EPRS1: variants seen among roughly 807,000 people sequenced by gnomAD.
EPRS1 encodes bifunctional glutamate/proline--tRNA ligase.
A neutral mutation model predicts 188.3 loss-of-function variants in EPRS1; 107 were observed. The observed-to-expected ratio is 0.57, with a 90% confidence interval of 0.49 to 0.67. The LOEUF (loss-of-function observed/expected upper bound fraction) is 0.67. Among genes scored for constraint, EPRS1 ranks in the 30% least tolerant of loss-of-function variants. EPRS1 has a pLI of 0.00. For synonymous variants in EPRS1, 596 were observed against 593.1 expected, an observed-to-expected ratio of 1.00 and a Z score of -0.07; for missense variants, 1,577 against 1,802.2, an observed-to-expected ratio of 0.88 and a Z score of 2.26.
At position 219,981,609 on chromosome 1, in the gene EPRS1, A is replaced by G. The variant is rs1037572386; in HGVS notation, c.3374-152T>C. On this transcript the variant is annotated intron_variant, in intron 23 of 31. Transcript: ENST00000366923. Reference sequence around the variant, plus strand: ...GTATGTTTGTGTAAATATATTTCCAATGTTTATAATAAGTGAATAGTATTA... The same window carrying G: ...GTATGTTTGTGTAAATATATTTCCAGTGTTTATAATAAGTGAATAGTATTA... 7 of 489,780 alleles carry G rather than the reference A, an allele frequency of 1.4e-5. No individual in the cohort carries two copies. In the East Asian group the frequency reaches 1.5e-4, roughly 11 times the overall value. The allele number at this position is 489,780 out of a possible 1,614,324, so 30.3% of individuals were successfully genotyped here. A position where few individuals can be genotyped will look rare whatever the true frequency, so the allele number is the denominator to read the frequency against.
At chr1:220,010,913 A>C in intron 13 of EPRS1, 33 bp downstream of exon 13, 2 of 1,247,106 alleles carry the variant, frequency 1.6e-6, no homozygotes, top group Non-Finnish European at 2.4e-6. Context: ...CTTTTAACAG[A>C]GAGAAACACA....
intron 13 of EPRS1, among the ~76,000 whole-genome samples, chr1:220,007,891 A>G (rs1440379560): frequency 6.6e-6 from 1 of 152,196 alleles, no homozygotes; most frequent in Admixed American, 6.5e-5. Flanking sequence ...GCAGATCACG[A>G]GGTCAGGAGA....
Position 219,988,627 on chromosome 1 carries a change from T to C in EPRS1, c.2738A>G (p.Glu913Gly), listed in dbSNP as rs2230302. The C allele has an allele frequency of 0.012, 19,908 of 1,613,654 alleles. 169 individuals carry two copies. Among genetic ancestry groups the C allele is most frequent in the Non-Finnish European group, 0.015 (17,630 of 1,179,626 alleles). ...VLFDKVASQG[E>G]VVRKLKTEKA... ...TTCAGTTTTAAGTTTCCGAACTACT[T>C]CCCCTTGAGAAGCTACTTTGTCAAA... The change falls in exon 19 of 32, where the codon GAA (glutamate) becomes GGA (glycine). Residue 913 changes from glutamate to glycine, a missense_variant. Around this residue, in one of 3 missense-constraint regions of EPRS1, gnomAD observed 1,278 missense variants for 1,457.4 expected, o/e 0.88. Transcript: ENST00000366923.
At chr1:219,978,965 T>TG (rs33914465) in intron 27 of EPRS1, among the ~76,000 whole-genome samples, 2 of 9,536 alleles carry the variant, frequency 2.1e-4, no homozygotes, top group Non-Finnish European at 7.7e-4. Context: ...TATATATATA[T>TG]TTTTTTTTCC....
chr1:220,009,317 T>C (rs1046557213), intron 13 of EPRS1, among the ~76,000 whole-genome samples: 10 of 152,254 alleles, frequency 6.6e-5, no homozygotes, highest in South Asian at 2.1e-4. Flanking sequence ...TCATCTTATA[T>C]GTGAGTTAGT....
intron 6 of EPRS1, among the ~76,000 whole-genome samples, chr1:220,026,388 A>C (rs1661972921): frequency 6.6e-6 from 1 of 152,178 alleles, no homozygotes; most frequent in Non-Finnish European, 1.5e-5. Flanking sequence ...GTAAAAGAAA[A>C]TATGTTACAC....
At chr1:219,984,445 G>T (rs911169036) in intron 20 of EPRS1, among the ~76,000 whole-genome samples, 188 bp from the exon 21 acceptor site, 1 of 152,078 alleles carries the variant, frequency 6.6e-6, no homozygotes, top group African/African-American at 2.4e-5. Flanking sequence ...TTGAGACAGG[G>T]TCTTACTCTG....
At chr1:219,996,285 T>A (rs1443767997) in intron 18 of EPRS1, among the ~76,000 whole-genome samples, 1 of 152,222 alleles carries the variant, frequency 6.6e-6, no homozygotes, top group Admixed American at 6.5e-5. Flanking sequence ...GGCTCTGCTA[T>A]GAAAAGCTGG....
In EPRS1 at chr1:220,006,157, T is replaced by A; in HGVS notation, c.1899A>T (p.Pro633=). 6.3e-7 allele frequency: 1 copy of A among 1,597,238 alleles called. No homozygotes were observed. The change falls in exon 15 of 32, where the codon CCA becomes CCT. Residue 633 remains proline (P), a synonymous_variant. Transcript: ENST00000366923. ...TAAAGTCCTCGTCTTTTCCTAGCAC[T>A]GGCTTTGTGATCAAGTGCTCATAAG... The part of the protein sequence containing the change: ...CVTYEHLITK[P]VLGKDEDFKQ...
chr1:220,032,160 C>T (rs1425891288), intron 5 of EPRS1, among the ~76,000 whole-genome samples: 1 of 151,646 alleles, frequency 6.6e-6, no homozygotes, highest in Non-Finnish European at 1.5e-5. Flanking sequence ...CTGCAAGCTC[C>T]GCCTCCCAGG....
At position 219,997,068 on chromosome 1, in the gene EPRS1, C is replaced by T. The variant is rs1432932670; in HGVS notation, c.2456G>A (p.Ser819Asn). Residue 819 changes from serine to asparagine, a missense_variant, in exon 18 of 32, where the codon AGT becomes AAT. Physicochemically the swap from Ser to Asn is conservative, Grantham distance 46. Around this residue, in one of 3 missense-constraint regions of EPRS1, gnomAD observed 1,278 missense variants for 1,457.4 expected, o/e 0.88. Transcript: ENST00000366923. Reference protein sequence around the residue: ...GQNISSNSSASILESKSLYDE... With the variant: ...GQNISSNSSANILESKSLYDE... ...ATACAGAGATTTACTTTCCAGAATACTTGCTGAGGAATTAGAAGAAATATT... is the reference window on the plus strand; with the variant it reads ...ATACAGAGATTTACTTTCCAGAATATTTGCTGAGGAATTAGAAGAAATATT... 1.7e-5 allele frequency: 28 copies of T among 1,613,826 alleles called. No individual in the cohort carries two copies. The highest frequency in any genetic ancestry group is 2.2e-5 in the Non-Finnish European group (26 of 1,179,940).
chr1:220,036,288 G>C (rs1006409304), intron 2 of EPRS1, among the ~76,000 whole-genome samples: 11 of 152,084 alleles, frequency 7.2e-5, no homozygotes, highest in African/African-American at 2.2e-4. Context: ...TTCTCAAAGA[G>C]CTAAAAACAG....
At chr1:219,991,097 TAAATAAAATGGAGA>T (rs1295586852) in intron 18 of EPRS1, among the ~76,000 whole-genome samples, 1 of 152,016 alleles carries the variant, frequency 6.6e-6, no homozygotes, top group East Asian at 1.9e-4. Context: ...ACTGGAAAGT[TAAATAAAATGGAGA>T]AAATGGACAA....
chr1:220,040,867 G>A (rs1454011201), intron 1 of EPRS1, among the ~76,000 whole-genome samples: 2 of 144,466 alleles, frequency 1.4e-5, no homozygotes, highest in African/African-American at 5.1e-5. Flanking sequence ...AAAAAAAATA[G>A]TATAGTGCCT....
chr1:220,038,437 C>T (rs1205149183), intron 2 of EPRS1, among the ~76,000 whole-genome samples: 1 of 125,056 alleles, frequency 8.0e-6, no homozygotes, highest in African/African-American at 3.1e-5. Flanking sequence ...GTCATCCATG[C>T]TGGAGTGCAG....
chr1:220,044,597 G>A (rs553604406), intron 1 of EPRS1, among the ~76,000 whole-genome samples: 5 of 147,250 alleles, frequency 3.4e-5, no homozygotes, highest in African/African-American at 7.6e-5. Context: ...ATGGTGGTGC[G>A]CACCTCTAAG....
intron 18 of EPRS1, 101 bp from the exon 19 acceptor site, chr1:219,988,924 A>G: frequency 1.5e-6 from 1 of 681,918 alleles, no homozygotes; most frequent in Non-Finnish European, 2.4e-6. Flanking sequence ...TCATTCCCAT[A>G]AGTTAATCAT....
intron 18 of EPRS1, among the ~76,000 whole-genome samples, chr1:219,992,010 G>A (rs369487223): frequency 6.6e-6 from 1 of 152,100 alleles, no homozygotes; most frequent in South Asian, 2.1e-4. Flanking sequence ...TCCCAAATAA[G>A]AATTACAAAC....
At chr1:219,979,253 T>C (rs1289624857) in intron 27 of EPRS1, among the ~76,000 whole-genome samples, 165 bp downstream of exon 27, 2 of 152,224 alleles carry the variant, frequency 1.3e-5, no homozygotes, top group African/African-American at 4.8e-5. Flanking sequence ...AAATAAATAA[T>C]ACACACAGTC....
Sources: gnomAD v4.1 joint callset for allele counts (sites outside exome capture counted in the v4.1 genomes callset) on GRCh38, gnomAD v4.1.1 for gene constraint, gnomAD v4.1.1 regional missense constraint, MANE v1.5 for transcripts, NCBI Gene and HGNC (gene_info 2026-07-23, HGNC 2026-07-21) for gene names.